The following ERC1 variants were observed in gnomAD, a reference collection of about 807,000 sequenced individuals.
ERC1 encodes ELKS/RAB6-interacting/CAST family member 1.
Under a neutral mutation model 132.0 loss-of-function variants are expected in ERC1, and 56 were observed. The observed-to-expected ratio is 0.42, with a 90% CI of 0.34 to 0.53. ERC1 has a LOEUF of 0.53. Among genes scored for constraint, ERC1 ranks in the 20% least tolerant of loss-of-function variants. The pLI is 0.03. For missense variants in ERC1, 1,202 were observed against 1,349.9 expected (o/e 0.89, Z 1.72); for synonymous variants, 478 against 476.1 (o/e 1.00, Z -0.05).
chr12:1,104,700 A>AG, intron 3 of ERC1, 50 bp from the exon 4 acceptor site: 1 of 1,325,812 alleles, frequency 7.5e-7, no homozygotes, highest in Non-Finnish European at 1.1e-6. Context: ...TTTGAAAAAA[A>AG]TGAGGGTGAA....
At chr12:1,103,452 A>G (rs1944900334) in intron 3 of ERC1, among the ~76,000 whole-genome samples, 1 of 152,202 alleles carries the variant, frequency 6.6e-6, no homozygotes, top group Admixed American at 6.5e-5. Context: ...GTGCTCCATT[A>G]AGAAAACACT....
chr12:1,121,925 A>G (rs866099456), intron 7 of ERC1, among the ~76,000 whole-genome samples: 1 of 2,804 alleles, frequency 3.6e-4, no homozygotes, highest in African/African-American at 4.2e-4. Context: ...CTCTATCTCT[A>G]TCTGTGTCTC....
intron 15 of ERC1, among the ~76,000 whole-genome samples, chr12:1,339,126 G>A (rs543247100): frequency 3.3e-5 from 5 of 151,488 alleles, no homozygotes; most frequent in Admixed American, 2.6e-4. Context: ...GGCATTCACC[G>A]CAGTGGCAGA....
chr12:1,027,951 G>C lies in ERC1; in HGVS notation c.48G>C (p.Gln16His), dbSNP rs61740169. ...TTGGGAAGGTGGAGCCGAGCAGCCA[G>C]AGCCCTGGGCGTTCACCCAGGCTTC... is the stretch of plus-strand genomic sequence containing the variant. ...RSVGKVEPSS[Q>H]SPGRSPRLPR... Residue 16 changes from glutamine (Q) to histidine (H), a missense_variant, in exon 2 of 19, where the codon CAG becomes CAC. Coordinates refer to ENST00000360905, the MANE Select transcript of ERC1 (RefSeq NM_178040.4). 7.1e-4 allele frequency: 1,141 copies of C among 1,613,490 alleles called. 13 individuals are homozygous for C. In the East Asian group the frequency reaches 0.021, roughly 29 times the overall value.
intron 4 of ERC1, among the ~76,000 whole-genome samples, chr12:1,106,151 A>G (rs1945238601): frequency 6.6e-6 from 1 of 152,232 alleles, no homozygotes; most frequent in Admixed American, 6.5e-5. Context: ...TTTCTTTATC[A>G]ACAAATGGTG....
intron 12 of ERC1, among the ~76,000 whole-genome samples, chr12:1,195,462 C>G (rs558902077): frequency 6.6e-6 from 1 of 152,308 alleles, no homozygotes; most frequent in African/African-American, 2.4e-5. Flanking sequence ...TAAAGCCAAT[C>G]AGGATAATAG....
At chr12:1,028,622 T>C in intron 2 of ERC1, 50 bp downstream of exon 2, 1 of 1,415,828 alleles carries the variant, frequency 7.1e-7, no homozygotes, top group Non-Finnish European at 9.6e-7. Context: ...TGTATATAAA[T>C]GAAATAGCCT....
chr12:1,196,968 A>ATG (rs1956369677), intron 12 of ERC1, among the ~76,000 whole-genome samples: 1 of 67,382 alleles, frequency 1.5e-5, no homozygotes, highest in African/African-American at 1.2e-4. Context: ...ACACATATAT[A>ATG]TATATATATT....
chr12:1,000,980 G>A (rs1382899885), intron 1 of ERC1, among the ~76,000 whole-genome samples: 2 of 151,912 alleles, frequency 1.3e-5, no homozygotes, highest in African/African-American at 2.4e-5. Flanking sequence ...ATGCGATCTC[G>A]TCTCACGGCA....
intron 15 of ERC1, among the ~76,000 whole-genome samples, chr12:1,349,857 G>A (rs1450326487): frequency 6.6e-6 from 1 of 152,098 alleles, no homozygotes; most frequent in Non-Finnish European, 1.5e-5. Context: ...CTAAACAAGA[G>A]TATGGCACTC....
At chr12:1,135,254 G>A (rs1404596891) in intron 7 of ERC1, among the ~76,000 whole-genome samples, 1 of 152,094 alleles carries the variant, frequency 6.6e-6, no homozygotes, top group East Asian at 1.9e-4. Flanking sequence ...AGTTCTCCAG[G>A]TCACGGAAAC....
intron 13 of ERC1, among the ~76,000 whole-genome samples, chr12:1,250,302 G>C (rs1289874330): frequency 2.0e-5 from 3 of 152,086 alleles, no homozygotes; most frequent in Non-Finnish European, 2.9e-5. Flanking sequence ...GATGAACTCT[G>C]CCTGGACTTG....
Position 1,420,263 on chromosome 12 carries a change from T to C in ERC1, c.3024+12016T>C, listed in dbSNP as rs117601704. Among the ~76,000 whole-genome samples the C allele has an allele frequency of 9.7e-3, 1,482 of 152,332 alleles. 11 individuals carry two copies. Among genetic ancestry groups the C allele is most frequent in the Middle Eastern group, 0.037 (11 of 294 alleles). ...CTTAACAGCTACAAACTTAACTTTT[T>C]AATGAATTGAAGCACTTTTCATTCA... On this transcript the variant is annotated intron_variant, in intron 17 of 18. Coordinates refer to ENST00000360905, the MANE Select transcript of ERC1 (RefSeq NM_178040.4).
At chr12:1,127,808 G>A (rs1948362736) in intron 7 of ERC1, among the ~76,000 whole-genome samples, 7 of 152,120 alleles carry the variant, frequency 4.6e-5, no homozygotes, top group Admixed American at 3.9e-4. Flanking sequence ...TGGAAAAAGA[G>A]GAAAACAAAA....
chr12:1,299,684 A>G (rs991514912), intron 15 of ERC1, among the ~76,000 whole-genome samples: 10 of 152,066 alleles, frequency 6.6e-5, no homozygotes, highest in Admixed American at 3.3e-4. Flanking sequence ...TCAACAGAAA[A>G]TTCACAAAAT....
chr12:1,413,634 C>T (rs1050238618), intron 17 of ERC1, among the ~76,000 whole-genome samples: 7 of 152,068 alleles, frequency 4.6e-5, no homozygotes, highest in African/African-American at 1.4e-4. Context: ...GAAATTGGTT[C>T]TCTCTCTCAC....
chr12:1,326,858 T>G (rs142660914), intron 15 of ERC1, among the ~76,000 whole-genome samples: 157 of 152,242 alleles, frequency 1.0e-3, no homozygotes, highest in Admixed American at 2.6e-3. Context: ...CGTAGTCACA[T>G]TACTCCAGGC....
intron 2 of ERC1, among the ~76,000 whole-genome samples, chr12:1,073,709 TATTATC>T (rs1484803267): frequency 6.6e-6 from 1 of 152,208 alleles, no homozygotes; most frequent in Non-Finnish European, 1.5e-5. Flanking sequence ...CATAGTCATT[TATTATC>T]ATTATCAAGT....
intron 2 of ERC1, among the ~76,000 whole-genome samples, chr12:1,056,395 T>A (rs1207424294): frequency 6.6e-6 from 1 of 151,998 alleles, no homozygotes; most frequent in Non-Finnish European, 1.5e-5. Context: ...AGTGGAAGTT[T>A]AATAGGCAAA....
Sources: allele counts gnomAD v4.1 joint callset (sites outside exome capture counted in the v4.1 genomes callset), GRCh38; gene constraint gnomAD v4.1.1; transcripts MANE v1.5; gene names NCBI Gene and HGNC (gene_info 2026-07-23, HGNC 2026-07-21).